Variants in MINDY2 observed in about 807,000 individuals in gnomAD.
MINDY2 encodes ubiquitin carboxyl-terminal hydrolase MINDY-2.
Under a neutral mutation model 68.2 loss-of-function variants are expected in MINDY2, and 52 were observed. The observed-to-expected ratio is 0.76, with a 90% CI of 0.61 to 0.96. MINDY2 has a LOEUF of 0.96. MINDY2 is among the 40% of genes least tolerant of loss of function. MINDY2 has a pLI of 0.00. For synonymous variants in MINDY2, 372 were observed against 303.0 expected (o/e 1.23, Z -2.36); for missense variants, 881 against 773.4 (o/e 1.14, Z -1.65).
Position 58,857,937 on chromosome 15 carries a change from C to A in MINDY2, c.*3327C>A, listed in dbSNP as rs994443418. ...TATAAAATTTTTCTTCATGTCTAAT[C>A]CCATTGCATCCACAATGCTGTGATT... On this transcript the variant is annotated 3_prime_UTR_variant, in exon 9 of 9. Coordinates refer to ENST00000559228, the MANE Select transcript of MINDY2 (RefSeq NM_001040450.3). 6.6e-6 allele frequency: 1 copy of A among 152,096 alleles called. No homozygotes were observed. Among genetic ancestry groups the A allele is most frequent in the Non-Finnish European group, 1.5e-5 (1 of 68,004 alleles). The allele number at this position is 152,096 out of a possible 1,614,324, so 9.4% of individuals were successfully genotyped here.
chr15:58,782,468 T>A (rs144120787), intron 1 of MINDY2, among the ~76,000 whole-genome samples: 140 of 152,364 alleles, frequency 9.2e-4, no homozygotes, highest in African/African-American at 3.2e-3. Context: ...GACATCATTT[T>A]CTTCTACAAA....
chr15:58,824,943 T>C (rs1397118567), intron 5 of MINDY2, among the ~76,000 whole-genome samples: 1 of 152,206 alleles, frequency 6.6e-6, no homozygotes, highest in Non-Finnish European at 1.5e-5. Context: ...GTGCTGCAAC[T>C]ACAGGCATAA....
At chr15:58,792,927 A>G (rs1353258262) in intron 2 of MINDY2, among the ~76,000 whole-genome samples, 1 of 151,670 alleles carries the variant, frequency 6.6e-6, no homozygotes, top group East Asian at 2.0e-4. Flanking sequence ...ACTTGAACCC[A>G]GGAGTTTGAG....
Position 58,859,839 on chromosome 15 carries a change from C to T in MINDY2, c.*5229C>T, listed in dbSNP as rs1417063608. The stretch of plus-strand genomic sequence containing the variant: ...TGAAGGATTCTACTTTCTAATTTTA[C>T]TTTTCTGATCTCAAGAAAATTAAAC... On this transcript the variant is annotated 3_prime_UTR_variant, in exon 9 of 9. Transcript: ENST00000559228. 6.6e-6 allele frequency: 1 copy of T among 152,136 alleles called. No individual in the cohort carries two copies. Among genetic ancestry groups the T allele is most frequent in the African/African-American group, 2.4e-5 (1 of 41,422 alleles). 9.4% of individuals were successfully genotyped at this position (152,136 alleles called of 1,614,324 possible). A position where few individuals can be genotyped will look rare whatever the true frequency, so the allele number is the denominator to read the frequency against.
chr15:58,854,403 C>G, intron 8 of MINDY2, 79 bp from the exon 9 acceptor site: 1 of 1,495,010 alleles, frequency 6.7e-7, no homozygotes, highest in African/African-American at 1.4e-5. Context: ...TCCACTGTTA[C>G]AGTTTTCCTT....
intron 5 of MINDY2, among the ~76,000 whole-genome samples, chr15:58,824,348 A>T (rs2141004750): frequency 6.6e-6 from 1 of 152,344 alleles, no homozygotes; most frequent in African/African-American, 2.4e-5. Context: ...AAGCAAAGAA[A>T]GAAACCCTCT....
rs188671470 is a variant in MINDY2 at position 58,794,038 on chromosome 15, C to G, written c.898+6075C>G. On this transcript the variant is annotated intron_variant, in intron 2 of 8. Coordinates refer to ENST00000559228, the MANE Select transcript of MINDY2 (RefSeq NM_001040450.3). Reference sequence around the variant, plus strand: ...GGATTTAACCAGAGCTGGACTTTTGCCTGATGAGCGTGTTGACGAAAGAAT... The same window carrying G: ...GGATTTAACCAGAGCTGGACTTTTGGCTGATGAGCGTGTTGACGAAAGAAT... 2.7e-3 allele frequency among the ~76,000 whole-genome samples: 404 copies of G among 152,084 alleles called. 2 individuals are homozygous for G. The highest frequency in any genetic ancestry group is 3.8e-3 in the Non-Finnish European group (257 of 68,004).
At chr15:58,820,808 G>A (rs568868324) in intron 4 of MINDY2, among the ~76,000 whole-genome samples, 2 of 152,244 alleles carry the variant, frequency 1.3e-5, no homozygotes, top group Admixed American at 1.3e-4. Flanking sequence ...TATTCAAAGA[G>A]TAAGTCTTCA....
At chr15:58,791,179 CA>C (rs35764277) in intron 2 of MINDY2, among the ~76,000 whole-genome samples, 6,396 of 67,292 alleles carry the variant, frequency 0.095, 193 homozygotes, top group Non-Finnish European at 0.12. Context: ...GACTCCTTCT[CA>C]AAAAAAAAAA....
chr15:58,788,255 G>A (rs908460709), intron 2 of MINDY2, among the ~76,000 whole-genome samples: 1 of 152,130 alleles, frequency 6.6e-6, no homozygotes, highest in Admixed American at 6.6e-5. Flanking sequence ...GTACAGAATC[G>A]CTGACATTGC....
intron 1 of MINDY2, among the ~76,000 whole-genome samples, chr15:58,772,534 A>T (rs1900502566): frequency 6.6e-6 from 1 of 152,250 alleles, no homozygotes; most frequent in Middle Eastern, 3.2e-3. Context: ...ATTATTTTAA[A>T]CTATAATTTC....
chr15:58,772,117 C>A lies in MINDY2; in HGVS notation c.722C>A (p.Ser241Tyr). 1 of 1,614,056 alleles carries A rather than the reference C, an allele frequency of 6.2e-7. No homozygotes were observed. Among genetic ancestry groups the A allele is most frequent in the Non-Finnish European group, 8.5e-7 (1 of 1,179,948 alleles). Reference sequence around the variant, plus strand: ...TCCAAGGAACGCTTCCCGGGACAATCTGTGTATCACATCAAGTGGATCCAG... The same window carrying A: ...TCCAAGGAACGCTTCCCGGGACAATATGTGTATCACATCAAGTGGATCCAG... ...AASKERFPGQ[S>Y]VYHIKWIQWK... is the part of the protein sequence containing the mutation. Residue 241 changes from serine (S) to tyrosine (Y), a missense_variant, in exon 1 of 9, where the codon TCT (serine) becomes TAT (tyrosine). Ser to Tyr is a moderately radical substitution (Grantham distance 144). Transcript: ENST00000559228.
At position 58,813,728 on chromosome 15, in the gene MINDY2, A is replaced by G. The variant is rs142262354; in HGVS notation, c.1122+3340A>G. On this transcript the variant is annotated intron_variant, in intron 4 of 8. Transcript: ENST00000559228. ...GCTGGGACTACAGGCATGCACCATT[A>G]TGCCCCGTTAACTTGTGTATTTTTT... Among the ~76,000 whole-genome samples the G allele has an allele frequency of 3.3e-3, 493 of 148,574 alleles. 2 individuals carry two copies. Among genetic ancestry groups the G allele is most frequent in the African/African-American group, 0.012 (472 of 40,260 alleles).
chr15:58,833,942 C>T (rs1364354283), intron 6 of MINDY2, among the ~76,000 whole-genome samples: 2 of 152,146 alleles, frequency 1.3e-5, no homozygotes, highest in African/African-American at 4.8e-5. Context: ...TTCAGACTAT[C>T]ACATGGGGAG....
At chr15:58,817,289 G>C (rs902756125) in intron 4 of MINDY2, among the ~76,000 whole-genome samples, 1 of 152,150 alleles carries the variant, frequency 6.6e-6, no homozygotes, top group Non-Finnish European at 1.5e-5. Context: ...CCAAAAAAAG[G>C]AGCAAATGAC....
rs750589720 is a variant in MINDY2, at chr15:58,854,697, T to G, written c.*87T>G. 2 of 1,426,786 alleles carry G rather than the reference T, an allele frequency of 1.4e-6. No individual in the cohort carries two copies. The highest frequency in any genetic ancestry group is 1.9e-6 in the Non-Finnish European group (2 of 1,073,454). The allele number at this position is 1,426,786 out of a possible 1,614,324, so 88.4% of individuals were successfully genotyped here. On this transcript the variant is annotated 3_prime_UTR_variant, in exon 9 of 9. Coordinates refer to ENST00000559228, the MANE Select transcript of MINDY2 (RefSeq NM_001040450.3). ...GGAAGAAAAACCGATCAATACCGTC[T>G]GTGCCTGATTTCCTAATGGATTTTG...
At position 58,859,736 on chromosome 15, in the gene MINDY2, T is replaced by A. The variant is rs1208027922; in HGVS notation, c.*5126T>A. On this transcript the variant is annotated 3_prime_UTR_variant, in exon 9 of 9. Coordinates refer to ENST00000559228, the MANE Select transcript of MINDY2 (RefSeq NM_001040450.3). The stretch of plus-strand genomic sequence containing the variant: ...ATCTATCTAAATTTTAGTTCATGCA[T>A]GTTCTTACTTAATCCTGGTGTTTTT... The A allele has an allele frequency of 1.3e-5, 2 of 152,222 alleles. No homozygotes were observed. Among genetic ancestry groups the A allele is most frequent in the African/African-American group, 4.8e-5 (2 of 41,458 alleles). 9.4% of individuals were successfully genotyped at this position (152,222 alleles called of 1,614,324 possible). A position where few individuals can be genotyped will look rare whatever the true frequency, so the allele number is the denominator to read the frequency against.
At chr15:58,778,979 CT>C (rs1264068133) in intron 1 of MINDY2, among the ~76,000 whole-genome samples, 1 of 151,758 alleles carries the variant, frequency 6.6e-6, no homozygotes, top group East Asian at 1.9e-4. Context: ...CCAGGCTGTT[CT>C]TGAACTCCTG....
chr15:58,823,126 ATCTTTTTTTTT>A lies in MINDY2; in HGVS notation c.1225+1320_1225+1330del, dbSNP rs1457250517. 3.3e-5 allele frequency among the ~76,000 whole-genome samples: 5 copies of A among 151,084 alleles called. No homozygotes were observed. The East Asian group carries it at 9.7e-4, about 29-fold the overall frequency. ...AGTATTTTAGTTAAGGTTTATCCTA[ATCTTTTTTTTT>A]TCTTTTTTTTTTTTTTTGATACGGA... On this transcript the variant is annotated intron_variant, in intron 5 of 8. Coordinates refer to ENST00000559228, the MANE Select transcript of MINDY2 (RefSeq NM_001040450.3).
Sources: gnomAD v4.1 joint callset for allele counts (sites outside exome capture counted in the v4.1 genomes callset) on GRCh38, gnomAD v4.1.1 for gene constraint, MANE v1.5 for transcripts, NCBI Gene and HGNC (gene_info 2026-07-23, HGNC 2026-07-21) for gene names.